Variants in SRBD1 observed in about 807,000 individuals in gnomAD.
SRBD1 encodes S1 RNA-binding domain-containing protein 1.
In SRBD1, 88 loss-of-function variants were observed where a neutral mutation model predicts 115.3. That is an observed-to-expected ratio of 0.76 (90% CI 0.64 to 0.91). SRBD1 has a LOEUF of 0.91. SRBD1 is among the 40% of genes least tolerant of loss of function. The pLI, the probability that SRBD1 is intolerant of heterozygous loss-of-function variation, is 0.00. For synonymous variants in SRBD1, 509 were observed against 407.7 expected, an observed-to-expected ratio of 1.25 and a Z score of -2.99; for missense variants, 1,385 against 1,177.4, an observed-to-expected ratio of 1.18 and a Z score of -2.58.
intron 15 of SRBD1, among the ~76,000 whole-genome samples, chr2:45,485,085 T>C (rs193192714): frequency 7.9e-5 from 12 of 152,338 alleles, no homozygotes; most frequent in Admixed American, 5.9e-4. Flanking sequence ...TCAATTTTTC[T>C]GGAGACATGC....
Position 45,469,090 on chromosome 2 carries a change from C to G in SRBD1, c.2049+7903G>C, listed in dbSNP as rs139846837. On this transcript the variant is annotated intron_variant, in intron 16 of 20. Coordinates refer to ENST00000263736, the MANE Select transcript of SRBD1 (RefSeq NM_018079.5). ...TTTCATGTCTTGATTTGCAAGAGAC[C>G]TTTACATATTCTGTATCATTTATAG... is the stretch of plus-strand genomic sequence containing the variant. Among the ~76,000 whole-genome samples the G allele has an allele frequency of 8.5e-5, 13 of 152,166 alleles. No homozygotes were observed. In the East Asian group the frequency reaches 2.5e-3, roughly 29 times the overall value.
At chr2:45,418,179 C>T (rs776186526) in intron 18 of SRBD1, among the ~76,000 whole-genome samples, 186 bp downstream of exon 18, 4 of 152,076 alleles carry the variant, frequency 2.6e-5, no homozygotes, top group East Asian at 1.9e-4. Flanking sequence ...CATGAGAATC[C>T]GGAATTTGCT....
At chr2:45,608,307 G>A (rs891339229) in intron 1 of SRBD1, among the ~76,000 whole-genome samples, 3 of 152,144 alleles carry the variant, frequency 2.0e-5, no homozygotes, top group Non-Finnish European at 4.4e-5. Flanking sequence ...AATGTAAAAG[G>A]AAAGGTGGGA....
intron 9 of SRBD1, among the ~76,000 whole-genome samples, chr2:45,572,220 G>A (rs973108783): frequency 2.6e-5 from 4 of 151,840 alleles, no homozygotes; most frequent in Non-Finnish European, 5.9e-5. Context: ...AAGAGTGGAT[G>A]GTATATTTAG....
intron 16 of SRBD1, among the ~76,000 whole-genome samples, chr2:45,453,627 T>C (rs1669063873): frequency 6.6e-6 from 1 of 151,646 alleles, no homozygotes; most frequent in Admixed American, 6.6e-5. Context: ...CAAAAAAAAA[T>C]AGCTTCTAAC....
chr2:45,430,180 G>A (rs1290183301), intron 16 of SRBD1, among the ~76,000 whole-genome samples: 1 of 152,176 alleles, frequency 6.6e-6, no homozygotes, highest in Admixed American at 6.5e-5. Context: ...CTCATGGATA[G>A]GAGGAATCAA....
intron 19 of SRBD1, among the ~76,000 whole-genome samples, chr2:45,409,558 T>C (rs1160624579): frequency 2.1e-5 from 3 of 145,474 alleles, no homozygotes; most frequent in African/African-American, 7.6e-5. Context: ...AAAAGAAGCA[T>C]GAAGATTAAA....
intron 9 of SRBD1, among the ~76,000 whole-genome samples, chr2:45,568,646 T>C (rs1672911571): frequency 6.6e-6 from 1 of 152,188 alleles, no homozygotes; most frequent in African/African-American, 2.4e-5. Flanking sequence ...CCACATTTGC[T>C]ACACACACTA....
chr2:45,561,838 T>A (rs974854007), intron 10 of SRBD1, among the ~76,000 whole-genome samples: 1 of 152,214 alleles, frequency 6.6e-6, no homozygotes, highest in Non-Finnish European at 1.5e-5. Context: ...TTAAAATATC[T>A]AATAAATTTA....
At chr2:45,598,781 G>A (rs1454826022) in intron 4 of SRBD1, among the ~76,000 whole-genome samples, 1 of 151,856 alleles carries the variant, frequency 6.6e-6, no homozygotes, top group Non-Finnish European at 1.5e-5. Flanking sequence ...AGAATCACAT[G>A]GGACAGATAA....
chr2:45,591,666 G>A (rs571687910), intron 4 of SRBD1, among the ~76,000 whole-genome samples: 1 of 152,304 alleles, frequency 6.6e-6, no homozygotes, highest in Admixed American at 6.5e-5. Context: ...AGCTGTTACA[G>A]GTAGTTAGAC....
At chr2:45,414,683 T>TAC (rs1558563196) in intron 18 of SRBD1, among the ~76,000 whole-genome samples, 1 of 149,008 alleles carries the variant, frequency 6.7e-6, no homozygotes, top group Non-Finnish European at 1.5e-5. Context: ...ATAGTATGTA[T>TAC]ATACACACAC....
intron 14 of SRBD1, among the ~76,000 whole-genome samples, chr2:45,524,561 A>G (rs1410725438): frequency 6.6e-6 from 1 of 152,058 alleles, no homozygotes; most frequent in African/African-American, 2.4e-5. Flanking sequence ...CAAGAACAAC[A>G]AAATATTTAG....
chr2:45,534,562 A>C (rs944094607), intron 14 of SRBD1, among the ~76,000 whole-genome samples: 1 of 151,966 alleles, frequency 6.6e-6, no homozygotes, highest in Admixed American at 6.6e-5. Context: ...AATATCCAGA[A>C]AACAATTTAG....
chr2:45,460,998 G>A (rs1276899352), intron 16 of SRBD1, among the ~76,000 whole-genome samples: 5 of 152,146 alleles, frequency 3.3e-5, no homozygotes, highest in African/African-American at 9.7e-5. Flanking sequence ...CCAACCAGGC[G>A]TGCCAGCGCT....
intron 6 of SRBD1, among the ~76,000 whole-genome samples, chr2:45,581,327 A>G (rs1312074496): frequency 1.3e-5 from 2 of 151,990 alleles, no homozygotes; most frequent in African/African-American, 4.8e-5. Flanking sequence ...GCTAACAAAC[A>G]CTTCTTGAGT....
chr2:45,502,069 C>G (rs1052790363), intron 14 of SRBD1, among the ~76,000 whole-genome samples: 1 of 152,180 alleles, frequency 6.6e-6, no homozygotes, highest in African/African-American at 2.4e-5. Flanking sequence ...CTCACACGGC[C>G]GGGTACCCCT....
chr2:45,543,205 C>A (rs574252646), intron 14 of SRBD1, among the ~76,000 whole-genome samples: 2 of 152,300 alleles, frequency 1.3e-5, no homozygotes, highest in South Asian at 4.1e-4. Context: ...TTACATTCTG[C>A]AACTTAACTC....
At chr2:45,498,144 T>C (rs1319707408) in intron 14 of SRBD1, among the ~76,000 whole-genome samples, 1 of 151,988 alleles carries the variant, frequency 6.6e-6, no homozygotes, top group Non-Finnish European at 1.5e-5. Flanking sequence ...TTATTTATAT[T>C]TCTTTAATCA....
Sources: allele counts gnomAD v4.1 joint callset (sites outside exome capture counted in the v4.1 genomes callset), GRCh38; gene constraint gnomAD v4.1.1; transcripts MANE v1.5; gene names NCBI Gene and HGNC (gene_info 2026-07-23, HGNC 2026-07-21).